The following GLCCI1 variants were observed in gnomAD, a reference collection of about 807,000 sequenced individuals.
GLCCI1 encodes glucocorticoid-induced transcript 1 protein.
A neutral mutation model predicts 52.2 loss-of-function variants in GLCCI1; 24 were observed. The ratio of observed to expected loss-of-function variants is 0.46; its 90% CI spans 0.33 to 0.65. GLCCI1 has a LOEUF of 0.65. GLCCI1 is among the 30% of genes least tolerant of loss of function. GLCCI1 has a pLI of 0.02. For missense variants in GLCCI1, 704 were observed against 701.5 expected, an observed-to-expected ratio of 1.00 and a Z score of -0.04; for synonymous variants, 310 against 276.5, an observed-to-expected ratio of 1.12 and a Z score of -1.20.
chr7:8,047,283 C>T (rs963153708), intron 3 of GLCCI1, among the ~76,000 whole-genome samples: 1 of 152,142 alleles, frequency 6.6e-6, no homozygotes, highest in Non-Finnish European at 1.5e-5. Flanking sequence ...GCTAACCCAG[C>T]CTTTATTTAG....
At chr7:7,984,052 A>G (rs1031045002) in intron 1 of GLCCI1, among the ~76,000 whole-genome samples, 1 of 152,138 alleles carries the variant, frequency 6.6e-6, no homozygotes, top group Non-Finnish European at 1.5e-5. Flanking sequence ...CCATGGACTC[A>G]GCTTCTGAAT....
intron 6 of GLCCI1, among the ~76,000 whole-genome samples, chr7:8,072,433 G>C (rs1359275707): frequency 2.0e-5 from 3 of 152,054 alleles, no homozygotes; most frequent in Non-Finnish European, 4.4e-5. Context: ...ATTGAATATA[G>C]TACCAGGTGT....
intron 6 of GLCCI1, among the ~76,000 whole-genome samples, chr7:8,081,859 T>C (rs1783000395): frequency 6.6e-6 from 1 of 152,210 alleles, no homozygotes; most frequent in Non-Finnish European, 1.5e-5. Flanking sequence ...GAGTGATTGT[T>C]ATAAATATAT....
At chr7:7,992,612 T>C (rs1246700202) in intron 1 of GLCCI1, among the ~76,000 whole-genome samples, 1 of 152,126 alleles carries the variant, frequency 6.6e-6, no homozygotes, top group Non-Finnish European at 1.5e-5. Context: ...TTTCAAGTTA[T>C]CTTTTATTTT....
Position 7,995,547 on chromosome 7 carries a change from T to C in GLCCI1, c.458-8361T>C, listed in dbSNP as rs567327953. ...CTGGATTAAGAAAATGTGGCACATA[T>C]ACACCATGGAATACTATGCAGCCAT... On this transcript the variant is annotated intron_variant, in intron 1 of 7. Transcript: ENST00000223145. Among the ~76,000 whole-genome samples, 49 of 152,274 alleles carry C rather than the reference T, an allele frequency of 3.2e-4. 1 individual carries two copies. Among genetic ancestry groups the C allele is most frequent in the Middle Eastern group, 3.4e-3 (1 of 294 alleles).
intron 1 of GLCCI1, among the ~76,000 whole-genome samples, chr7:7,977,468 C>T (rs1780517136): frequency 6.6e-6 from 1 of 152,104 alleles, no homozygotes; most frequent in Non-Finnish European, 1.5e-5. Flanking sequence ...AAATGAAAGG[C>T]CAAAGCAATT....
chr7:7,974,579 A>C (rs1450066452), intron 1 of GLCCI1, among the ~76,000 whole-genome samples: 1 of 152,166 alleles, frequency 6.6e-6, no homozygotes, highest in African/African-American at 2.4e-5. Flanking sequence ...CATGTGAATA[A>C]GAAAATAAGG....
At chr7:8,011,540 G>A (rs258849) in intron 2 of GLCCI1, among the ~76,000 whole-genome samples, 2,112 of 151,970 alleles carry the variant, frequency 0.014, 22 homozygotes, top group South Asian at 0.024. Flanking sequence ...TTATCCATTC[G>A]TCTATGGGTG....
At chr7:8,065,974 G>C (rs1025873962) in intron 5 of GLCCI1, among the ~76,000 whole-genome samples, 1 of 152,146 alleles carries the variant, frequency 6.6e-6, no homozygotes, top group Non-Finnish European at 1.5e-5. Flanking sequence ...CAGTAGGAAT[G>C]GTACTAGCTC....
In GLCCI1 at chr7:8,086,220, C is replaced by A; in HGVS notation, c.1326C>A (p.Leu442=). ...CTCGTCAGCCTATCTCGGCCCCTCT[C>A]TTTTCATGTCCTGACAAAAACAAGG... The part of the protein sequence containing the change: ...MASRQPISAP[L]FSCPDKNKVN... The change falls in exon 8 of 8, where the codon CTC becomes CTA. Residue 442 remains leucine, a synonymous_variant. Transcript: ENST00000223145. This position sits in a 1 kb window ranked among gnomAD's most constrained non-coding sequence, Gnocchi z 4.4. 6.2e-7 allele frequency: 1 copy of A among 1,613,926 alleles called. No homozygotes were observed. Among genetic ancestry groups the A allele is most frequent in the Non-Finnish European group, 8.5e-7 (1 of 1,179,944 alleles).
rs1233764124 is a variant in GLCCI1 at position 8,073,505 on chromosome 7, T to C, written c.1177+2374T>C. Among the ~76,000 whole-genome samples, 7 of 152,062 alleles carry C rather than the reference T, an allele frequency of 4.6e-5. No individual in the cohort carries two copies. The South Asian group carries it at 8.3e-4, about 18-fold the overall frequency. On this transcript the variant is annotated intron_variant, in intron 6 of 7. Coordinates refer to ENST00000223145, the MANE Select transcript of GLCCI1 (RefSeq NM_138426.4). ...CACTAATTTCTTTATATTCATCCTC[T>C]TGTTTTTTTAATATGTAAAATGAGA...
chr7:8,004,551 T>C (rs891934331), intron 2 of GLCCI1, among the ~76,000 whole-genome samples: 1 of 152,200 alleles, frequency 6.6e-6, no homozygotes, highest in Non-Finnish European at 1.5e-5. Context: ...TCCAAGCTTT[T>C]GATTTGAAAA....
intron 3 of GLCCI1, among the ~76,000 whole-genome samples, chr7:8,054,089 C>T (rs1782329975): frequency 6.6e-6 from 1 of 152,022 alleles, no homozygotes; most frequent in South Asian, 2.1e-4. Context: ...TATTATTAAT[C>T]TCTAGGCATT....
At chr7:7,993,608 A>G (rs932952441) in intron 1 of GLCCI1, among the ~76,000 whole-genome samples, 1 of 152,192 alleles carries the variant, frequency 6.6e-6, no homozygotes, top group African/African-American at 2.4e-5. Flanking sequence ...TCTCTGGACC[A>G]TCAGAAGCCT....
chr7:8,084,946 A>G lies in GLCCI1; in HGVS notation c.1227A>G (p.Pro409=), dbSNP rs779142974. ...PLPKYASSPK[P]NNSYMFKREP... is the part of the protein sequence containing the mutation. ...CCAAGTATGCTTCATCTCCCAAACC[A>G]AACAACAGCTACATGTTCAAACGGG... The change falls in exon 7 of 8, where the codon CCA becomes CCG. Residue 409 remains proline (P), a synonymous_variant. Transcript: ENST00000223145. 4 of 1,614,046 alleles carry G rather than the reference A, an allele frequency of 2.5e-6. No individual in the cohort carries two copies. The highest frequency in any genetic ancestry group is 1.7e-5 in the Admixed American group (1 of 60,004).
chr7:8,006,681 A>G (rs1236048625), intron 2 of GLCCI1, among the ~76,000 whole-genome samples: 1 of 152,226 alleles, frequency 6.6e-6, no homozygotes, highest in African/African-American at 2.4e-5. Context: ...CCACTACCCA[A>G]TGACAAATAA....
chr7:7,986,498 C>G (rs1481567747), intron 1 of GLCCI1, among the ~76,000 whole-genome samples: 1 of 151,216 alleles, frequency 6.6e-6, no homozygotes, highest in Non-Finnish European at 1.5e-5. Flanking sequence ...GCACTCCAGC[C>G]TGGGCGACAG....
At chr7:8,060,991 CT>C (rs1371646664) in intron 5 of GLCCI1, among the ~76,000 whole-genome samples, 1 of 151,962 alleles carries the variant, frequency 6.6e-6, no homozygotes, top group Admixed American at 6.6e-5. Context: ...ATTATCTGTC[CT>C]TTTTTAATTA....
In GLCCI1 at chr7:8,060,213, A is replaced by C. The variant is rs544024418; in HGVS notation, c.931A>C (p.Ile311Leu). 6 of 1,612,074 alleles carry C rather than the reference A, an allele frequency of 3.7e-6. No homozygotes were observed. The Admixed American group carries it at 6.7e-5, about 18-fold the overall frequency. Residue 311 changes from isoleucine (I) to leucine (L), a missense_variant, in exon 5 of 8, where the codon ATT becomes CTT. Coordinates refer to ENST00000223145, the MANE Select transcript of GLCCI1 (RefSeq NM_138426.4). ...AAGTCCTGAATTAGAAAAGGTATTC[A>C]TTAAAGAAAATAATGGGAAGGAAGA... ...GISPELEKVF[I>L]KENNGKEEVS...
Sources: gnomAD v4.1 joint callset for allele counts (sites outside exome capture counted in the v4.1 genomes callset) on GRCh38, gnomAD v4.1.1 for gene constraint, Gnocchi (gnomAD v3.1) non-coding constraint, MANE v1.5 for transcripts, NCBI Gene and HGNC (gene_info 2026-07-23, HGNC 2026-07-21) for gene names.